PPM1L: variants seen among roughly 807,000 people sequenced by gnomAD.
The protein encoded by PPM1L is protein phosphatase 1L.
A neutral mutation model predicts 31.4 loss-of-function variants in PPM1L; 13 were observed. The ratio of observed to expected loss-of-function variants is 0.41; its 90% CI spans 0.27 to 0.66. The LOEUF (loss-of-function observed/expected upper bound fraction) is 0.66. PPM1L is among the 30% of genes least tolerant of loss of function. The pLI, the probability that PPM1L is intolerant of heterozygous loss-of-function variation, is 0.29. For missense variants in PPM1L, 326 were observed against 453.7 expected, an observed-to-expected ratio of 0.72 and a Z score of 2.56; for synonymous variants, 184 against 175.4, an observed-to-expected ratio of 1.05 and a Z score of -0.39.
At chr3:160,817,806 T>C (rs190593090) in intron 1 of PPM1L, among the ~76,000 whole-genome samples, 4 of 152,100 alleles carry the variant, frequency 2.6e-5, no homozygotes, top group Admixed American at 6.6e-5. Context: ...GAAGGGATGG[T>C]TTGAAGGAGG....
intron 1 of PPM1L, among the ~76,000 whole-genome samples, chr3:160,824,930 C>A (rs955299983): frequency 6.6e-6 from 1 of 151,940 alleles, no homozygotes; most frequent in Non-Finnish European, 1.5e-5. Flanking sequence ...TTTTGCAATT[C>A]TTCCTTTAGG....
intron 1 of PPM1L, among the ~76,000 whole-genome samples, chr3:160,904,279 T>C (rs1043996839): frequency 6.6e-6 from 1 of 152,204 alleles, no homozygotes; most frequent in African/African-American, 2.4e-5. Context: ...TATAATAAAA[T>C]ATTATGGGTC....
At chr3:160,941,449 C>T (rs566355913) in intron 1 of PPM1L, among the ~76,000 whole-genome samples, 32 of 152,214 alleles carry the variant, frequency 2.1e-4, no homozygotes, top group African/African-American at 7.7e-4. Context: ...GAGAGGGACC[C>T]CGCAGAGGTA....
At chr3:160,807,000 G>A (rs1415281598) in intron 1 of PPM1L, among the ~76,000 whole-genome samples, 1 of 152,154 alleles carries the variant, frequency 6.6e-6, no homozygotes, top group Non-Finnish European at 1.5e-5. Flanking sequence ...CTAATATCCA[G>A]GCCACGTCTA....
At chr3:160,926,125 A>G (rs944860705) in intron 1 of PPM1L, among the ~76,000 whole-genome samples, 4 of 152,190 alleles carry the variant, frequency 2.6e-5, no homozygotes, top group Non-Finnish European at 4.4e-5. Context: ...AAATACAGCC[A>G]GAAAGTCTGG....
Position 160,843,446 on chromosome 3 carries a change from A to ATATATATATATATATATATC in PPM1L, c.399+86758_399+86759insCTATATATATATATATATAT, listed in dbSNP as rs1576665721. Among the ~76,000 whole-genome samples the ATATATATATATATATATATC allele has an allele frequency of 3.6e-5, 4 of 109,782 alleles. No individual in the cohort carries two copies. The East Asian group carries it at 1.1e-3, about 29-fold the overall frequency. 72.0% of individuals were successfully genotyped at this position (109,782 alleles called of 152,430 possible). ...TTCTTTTATATATATATATATATAT[A>ATATATATATATATATATATC]TATATATATATATATATATATATGT... On this transcript the variant is annotated intron_variant, in intron 1 of 3. Coordinates refer to ENST00000498165, the MANE Select transcript of PPM1L (RefSeq NM_139245.4).
At chr3:160,982,019 G>A (rs913897106) in intron 2 of PPM1L, among the ~76,000 whole-genome samples, 2 of 152,072 alleles carry the variant, frequency 1.3e-5, no homozygotes, top group Non-Finnish European at 2.9e-5. Context: ...ACCTGCCTTG[G>A]CCTCCCAAAG....
chr3:160,942,659 T>G (rs1715200627), intron 1 of PPM1L, among the ~76,000 whole-genome samples: 1 of 152,216 alleles, frequency 6.6e-6, no homozygotes, highest in African/African-American at 2.4e-5. Flanking sequence ...AAAGACAGTA[T>G]GAGTCTTGGT....
intron 1 of PPM1L, among the ~76,000 whole-genome samples, chr3:160,893,964 G>C (rs899279386): frequency 6.6e-6 from 1 of 152,082 alleles, no homozygotes; most frequent in Non-Finnish European, 1.5e-5. Context: ...TATAAAATAG[G>C]GTTTGTGTTA....
intron 1 of PPM1L, among the ~76,000 whole-genome samples, chr3:160,819,417 C>A (rs1361442249): frequency 6.6e-6 from 1 of 151,966 alleles, no homozygotes; most frequent in Non-Finnish European, 1.5e-5. Flanking sequence ...TTCCAAAACT[C>A]ATTTTCCTGT....
At chr3:160,793,741 A>T (rs1403005551) in intron 1 of PPM1L, among the ~76,000 whole-genome samples, 1 of 152,220 alleles carries the variant, frequency 6.6e-6, no homozygotes, top group East Asian at 1.9e-4. Context: ...CAAACTGAGG[A>T]GAGGCAGCCT....
At chr3:160,917,671 C>G (rs1227275338) in intron 1 of PPM1L, among the ~76,000 whole-genome samples, 3 of 151,812 alleles carry the variant, frequency 2.0e-5, no homozygotes, top group Non-Finnish European at 4.4e-5. Context: ...AAGAGGGACT[C>G]CTATATGCAA....
intron 2 of PPM1L, among the ~76,000 whole-genome samples, chr3:160,963,483 AT>A (rs1415206081): frequency 1.3e-5 from 2 of 152,066 alleles, no homozygotes; most frequent in Non-Finnish European, 2.9e-5. Flanking sequence ...TTAGAGAAAA[AT>A]TTCTGAGGAA....
chr3:160,971,299 A>G (rs1312305405), intron 2 of PPM1L, among the ~76,000 whole-genome samples: 4 of 152,154 alleles, frequency 2.6e-5, no homozygotes, highest in African/African-American at 9.7e-5. Context: ...TTGTCTGTTT[A>G]TTTAACAGTT....
chr3:161,027,243 TG>T (rs1388726837), intron 2 of PPM1L, among the ~76,000 whole-genome samples: 3 of 152,130 alleles, frequency 2.0e-5, no homozygotes, highest in African/African-American at 7.2e-5. Flanking sequence ...GCAGCTATGA[TG>T]GGAGTGGGGA....
At chr3:160,944,825 A>C in intron 1 of PPM1L, among the ~76,000 whole-genome samples, 1 of 71,542 alleles carries the variant, frequency 1.4e-5, no homozygotes, top group South Asian at 3.4e-4. Flanking sequence ...TATATGTTAT[A>C]TATAACATAT....
chr3:160,768,734 A>G (rs1177796269), intron 1 of PPM1L, among the ~76,000 whole-genome samples: 3 of 152,136 alleles, frequency 2.0e-5, no homozygotes, highest in Non-Finnish European at 2.9e-5. Flanking sequence ...TAGATGGTAC[A>G]TTATTGGGAA....
chr3:161,005,673 A>T (rs1290080032), intron 2 of PPM1L, among the ~76,000 whole-genome samples: 10 of 152,192 alleles, frequency 6.6e-5, no homozygotes, highest in South Asian at 4.1e-4. Flanking sequence ...TACTTTATGG[A>T]TCTCTTGTGA....
At chr3:160,816,531 C>T (rs1206238275) in intron 1 of PPM1L, among the ~76,000 whole-genome samples, 1 of 150,340 alleles carries the variant, frequency 6.7e-6, no homozygotes, top group Non-Finnish European at 1.5e-5. Context: ...ACAAGATAGC[C>T]TTAGTTTGAT....
Sources: gnomAD v4.1 joint callset for allele counts (sites outside exome capture counted in the v4.1 genomes callset) on GRCh38, gnomAD v4.1.1 for gene constraint, MANE v1.5 for transcripts, NCBI Gene and HGNC (gene_info 2026-07-23, HGNC 2026-07-21) for gene names.